SLF1: variants seen among roughly 807,000 people sequenced by gnomAD.
SLF1 encodes the protein SMC5-SMC6 complex localization factor protein 1.
A neutral mutation model predicts 123.0 loss-of-function variants in SLF1; 105 were observed. The ratio of observed to expected loss-of-function variants is 0.85; its 90% confidence interval spans 0.73 to 1.00. The LOEUF (loss-of-function observed/expected upper bound fraction) is 1.00. Among genes scored for constraint, SLF1 ranks in the 50% least tolerant of loss-of-function variants. The pLI is 0.00. For missense variants in SLF1, 1,239 were observed against 1,223.0 expected (o/e 1.01, Z -0.20); for synonymous variants, 434 against 406.6 (o/e 1.07, Z -0.81).
At position 94,648,786 on chromosome 5, in the gene SLF1, G is replaced by A. The variant is rs999869849; in HGVS notation, c.595-668G>A. ...TGAGCCACCGTGCCCAGCCTGAACA[G>A]CCTCTCATAAGTACATTTTGGGAAC... On this transcript the variant is annotated intron_variant, in intron 5 of 20. Transcript: ENST00000265140. Among the ~76,000 whole-genome samples, 5 of 152,290 alleles carry A rather than the reference G, an allele frequency of 3.3e-5. No individual in the cohort carries two copies. In the South Asian group the frequency reaches 1.0e-3, roughly 32 times the overall value.
chr5:94,674,778 G>T (rs1485390620), intron 14 of SLF1, among the ~76,000 whole-genome samples: 1 of 152,180 alleles, frequency 6.6e-6, no homozygotes, highest in Non-Finnish European at 1.5e-5. Context: ...GCTTTCCTTG[G>T]CAAAGAGCAG....
At chr5:94,636,918 C>A (rs1481331041) in intron 4 of SLF1, among the ~76,000 whole-genome samples, 1 of 151,818 alleles carries the variant, frequency 6.6e-6, no homozygotes, top group Non-Finnish European at 1.5e-5. Flanking sequence ...TGGAGTTTTG[C>A]CATGTTGGCC....
chr5:94,677,007 CATA>C (rs1301883994), intron 14 of SLF1, among the ~76,000 whole-genome samples: 1 of 152,134 alleles, frequency 6.6e-6, no homozygotes, highest in Non-Finnish European at 1.5e-5. Flanking sequence ...CCATATTAGG[CATA>C]ATATGTGCTA....
intron 4 of SLF1, among the ~76,000 whole-genome samples, chr5:94,639,506 G>A (rs1746205714): frequency 6.6e-6 from 1 of 152,014 alleles, no homozygotes; most frequent in South Asian, 2.1e-4. Flanking sequence ...ATGTCAAACA[G>A]TATCTTTTTG....
At chr5:94,639,979 A>G (rs1746264496) in intron 4 of SLF1, among the ~76,000 whole-genome samples, 1 of 152,210 alleles carries the variant, frequency 6.6e-6, no homozygotes, top group Admixed American at 6.5e-5. Flanking sequence ...TCTGTGTATT[A>G]TAAACTTCCA....
chr5:94,681,899 T>G (rs1239637442), intron 15 of SLF1, among the ~76,000 whole-genome samples: 1 of 152,220 alleles, frequency 6.6e-6, no homozygotes, highest in African/African-American at 2.4e-5. Context: ...ACCAGTAGCC[T>G]CCAGCCTGGG....
chr5:94,662,104 G>T (rs1749191828), intron 9 of SLF1, among the ~76,000 whole-genome samples, 194 bp from the exon 10 acceptor site: 1 of 152,188 alleles, frequency 6.6e-6, no homozygotes, highest in Non-Finnish European at 1.5e-5. Context: ...AGAAAATAGA[G>T]AAATGCTCAT....
At chr5:94,685,970 C>T (rs577262788) in intron 15 of SLF1, among the ~76,000 whole-genome samples, 2 of 152,050 alleles carry the variant, frequency 1.3e-5, no homozygotes, top group African/African-American at 4.8e-5. Context: ...TATACATGCT[C>T]GTTTCATGTT....
At chr5:94,691,203 C>G (rs1753020213) in intron 18 of SLF1, 1 of 206,160 alleles carries the variant, frequency 4.9e-6, no homozygotes, top group Non-Finnish European at 9.7e-6. Flanking sequence ...GCACTCTAAA[C>G]TTTTATTGCT....
intron 8 of SLF1, 78 bp from the exon 9 acceptor site, chr5:94,654,552 A>G (rs1401114763): frequency 7.6e-6 from 9 of 1,179,542 alleles, no homozygotes; most frequent in Non-Finnish European, 1.0e-5. Flanking sequence ...TTCCTCTTAT[A>G]TTGTCCTTTG....
At chr5:94,661,879 C>T (rs1044615891) in intron 9 of SLF1, among the ~76,000 whole-genome samples, 2 of 152,038 alleles carry the variant, frequency 1.3e-5, no homozygotes, top group East Asian at 1.9e-4. Flanking sequence ...AGATATTTTT[C>T]CAGGATAATC....
At chr5:94,621,154 C>T (rs1298818599) in intron 1 of SLF1, among the ~76,000 whole-genome samples, 2 of 152,056 alleles carry the variant, frequency 1.3e-5, no homozygotes, top group East Asian at 1.9e-4. Context: ...ATGTATCTTT[C>T]TTTTGTGTTA....
intron 1 of SLF1, among the ~76,000 whole-genome samples, chr5:94,624,847 A>C (rs1190020942): frequency 2.0e-5 from 3 of 152,124 alleles, no homozygotes; most frequent in Non-Finnish European, 1.5e-5. Context: ...ACTCTAAAAT[A>C]CATTAAAAAT....
At chr5:94,625,192 CAAAA>C (rs754127514) in intron 1 of SLF1, among the ~76,000 whole-genome samples, 2 of 101,522 alleles carry the variant, frequency 2.0e-5, no homozygotes, top group Non-Finnish European at 2.0e-5. Flanking sequence ...GACTCCGTCT[CAAAA>C]AAAAAAAAAA....
rs1751432963 is a variant in SLF1 at position 94,678,974 on chromosome 5, T to C, written c.1975+19T>C. 2 of 1,608,284 alleles carry C rather than the reference T, an allele frequency of 1.2e-6. No individual in the cohort carries two copies. The highest frequency in any genetic ancestry group is 4.5e-5 in the East Asian group (2 of 44,702). On this transcript the variant is annotated intron_variant, in intron 15 of 20. Transcript: ENST00000265140. ...TGTGATGGTAAGTTTGTCTATGTTC[T>C]GTTTTTTTCAGACCCATTCTGGAAA...
In SLF1 at chr5:94,663,738, T is replaced by A. The variant is rs1749408920; in HGVS notation, c.1210-12T>A. On this transcript the variant is annotated splice_polypyrimidine_tract_variant and intron_variant, in intron 10 of 20. Coordinates refer to ENST00000265140, the MANE Select transcript of SLF1 (RefSeq NM_032290.4). Reference sequence around the variant, plus strand: ...TTCTTTTCTCTGAATCATAGAATCTTTCCTTTCTTAGGTTAAAAATGCTGA... The same window carrying A: ...TTCTTTTCTCTGAATCATAGAATCTATCCTTTCTTAGGTTAAAAATGCTGA... 1 of 1,506,920 alleles carries A rather than the reference T, an allele frequency of 6.6e-7. No homozygotes were observed. Among genetic ancestry groups the A allele is most frequent in the African/African-American group, 1.4e-5 (1 of 70,776 alleles). The allele number at this position is 1,506,920 out of a possible 1,614,324, so 93.3% of individuals were successfully genotyped here.
chr5:94,626,043 G>C (rs1350186630), intron 1 of SLF1, among the ~76,000 whole-genome samples: 1 of 151,948 alleles, frequency 6.6e-6, no homozygotes, highest in East Asian at 1.9e-4. Context: ...CACAAGGTCA[G>C]GAGATCGAGA....
chr5:94,649,900 G>A (rs900480059), intron 6 of SLF1, among the ~76,000 whole-genome samples: 3 of 151,958 alleles, frequency 2.0e-5, no homozygotes, highest in African/African-American at 4.8e-5. Flanking sequence ...AGGTAACATC[G>A]TGTGTCTTAT....
At chr5:94,627,628 TAAG>T (rs1415252895) in intron 1 of SLF1, among the ~76,000 whole-genome samples, 1 of 90,432 alleles carries the variant, frequency 1.1e-5, no homozygotes, top group Non-Finnish European at 2.5e-5. Flanking sequence ...ATAGCAAAGT[TAAG>T]AAATATGGAT....
Sources: allele counts gnomAD v4.1 joint callset (sites outside exome capture counted in the v4.1 genomes callset), GRCh38; gene constraint gnomAD v4.1.1; transcripts MANE v1.5; gene names NCBI Gene and HGNC (gene_info 2026-07-23, HGNC 2026-07-21).